MEGF11: variants seen among roughly 807,000 people sequenced by gnomAD.
MEGF11 encodes multiple EGF like domains 11.
Under a neutral mutation model 146.6 loss-of-function variants are expected in MEGF11, and 126 were observed. The observed-to-expected ratio is 0.86, with a 90% CI of 0.74 to 1.00. The LOEUF is 1.00. MEGF11 is among the 50% of genes least tolerant of loss of function. MEGF11 has a pLI of 0.00. For synonymous variants in MEGF11, 532 were observed against 583.4 expected, an observed-to-expected ratio of 0.91 and a Z score of 1.27; for missense variants, 1,509 against 1,521.2, an observed-to-expected ratio of 0.99 and a Z score of 0.13.
intron 7 of MEGF11, among the ~76,000 whole-genome samples, chr15:65,979,245 G>A (rs1322762547): frequency 6.6e-6 from 1 of 152,170 alleles, no homozygotes; most frequent in African/African-American, 2.4e-5. Flanking sequence ...GGAGGTCACA[G>A]ATGCAGCCTG....
chr15:66,231,649 TC>T (rs1422970273), intron 1 of MEGF11, among the ~76,000 whole-genome samples: 3 of 152,136 alleles, frequency 2.0e-5, no homozygotes, highest in Admixed American at 2.0e-4. Context: ...CTAATCCTCA[TC>T]CCTGGACCCT....
At chr15:66,227,188 G>A (rs553482586) in intron 1 of MEGF11, among the ~76,000 whole-genome samples, 2 of 152,180 alleles carry the variant, frequency 1.3e-5, no homozygotes, top group African/African-American at 2.4e-5. Context: ...TCTGCGGTTC[G>A]TGGAGGATGC....
intron 24 of MEGF11, among the ~76,000 whole-genome samples, chr15:65,904,682 G>C (rs2078576185): frequency 6.6e-6 from 1 of 152,210 alleles, no homozygotes; most frequent in Non-Finnish European, 1.5e-5. Flanking sequence ...ATCTGGGTCA[G>C]TCTAGACCAG....
In MEGF11 at chr15:65,964,931, G is replaced by GGGGCA; in HGVS notation, c.1084_1088dup (p.Cys364AlafsTer14). 3.2e-6 allele frequency: 5 copies of GGGGCA among 1,570,336 alleles called. No individual in the cohort carries two copies. On this transcript the variant is annotated frameshift_variant, in exon 9 of 26. Transcript: ENST00000395614. LOFTEE classifies it high-confidence loss of function. Reference sequence around the variant, plus strand: ...ACCTGATGGTGTTGTCAGCGTCACAGGGGCAGGGCAGGGTGCAGCCTGGGC... The same window carrying GGGGCA: ...ACCTGATGGTGTTGTCAGCGTCACAGGGGCAGGGCAGGGCAGGGTGCAGCCTGGGC...
At chr15:65,994,691 G>A (rs1367162025) in intron 5 of MEGF11, among the ~76,000 whole-genome samples, 2 of 152,194 alleles carry the variant, frequency 1.3e-5, no homozygotes, top group South Asian at 4.1e-4. Context: ...TGCCCTCTGG[G>A]CTGTTCATCC....
At chr15:66,095,189 G>C (rs4776725) in intron 4 of MEGF11, among the ~76,000 whole-genome samples, 146,886 of 152,344 alleles carry the variant, frequency 0.96, 71,044 homozygotes, top group East Asian at 1. Flanking sequence ...CAGGCAGTTT[G>C]CCTCAACCAC....
At chr15:66,078,361 AGCTCACACTTGCCGTAGCCG>A (rs1386169877) in intron 5 of MEGF11, among the ~76,000 whole-genome samples, 25 of 152,128 alleles carry the variant, frequency 1.6e-4, no homozygotes, top group African/African-American at 6.0e-4. Context: ...CTGAGTGGAG[AGCTCACACTTGCCGTAGCCG>A]AGTGACCTTG....
intron 1 of MEGF11, among the ~76,000 whole-genome samples, chr15:66,130,859 A>G (rs74021631): frequency 0.015 from 2,279 of 152,274 alleles, 67 homozygotes; most frequent in African/African-American, 0.052. Context: ...GGACTTTTCC[A>G]GGATCTCTCT....
intron 5 of MEGF11, among the ~76,000 whole-genome samples, chr15:66,021,886 A>G (rs909121295): frequency 6.6e-6 from 1 of 152,198 alleles, no homozygotes; most frequent in African/African-American, 2.4e-5. Context: ...GGTTTCTGGC[A>G]AGACAGCAAA....
At position 65,964,789 on chromosome 15, in the gene MEGF11, C is replaced by CCTTT; in HGVS notation, c.1112+115_1112+118dup. 4 of 982,854 alleles carry CCTTT rather than the reference C, an allele frequency of 4.1e-6. No individual in the cohort carries two copies. The South Asian group carries it at 6.7e-5, about 17-fold the overall frequency. The allele number at this position is 982,854 out of a possible 1,614,324, so 60.9% of individuals were successfully genotyped here. On this transcript the variant is annotated intron_variant, in intron 9 of 25. Transcript: ENST00000395614. ...CAGGGCTCAGTGCTGAGGTCCTAGC[C>CCTTT]CTTTCCCCCACCTGCCTGGATGTCC...
intron 5 of MEGF11, among the ~76,000 whole-genome samples, chr15:66,051,050 G>GC (rs2084427370): frequency 6.6e-6 from 1 of 152,214 alleles, no homozygotes; most frequent in Admixed American, 6.5e-5. Flanking sequence ...ACAGATATGA[G>GC]CCCCAAAGGA....
chr15:66,040,401 A>G (rs1367479129), intron 5 of MEGF11: 88 of 153,748 alleles, frequency 5.7e-4, no homozygotes, highest in East Asian at 1.9e-4. Context: ...GCACACTAAA[A>G]CAATTCCAGA....
intron 5 of MEGF11, among the ~76,000 whole-genome samples, chr15:66,013,300 C>G (rs964684029): frequency 1.3e-5 from 2 of 152,220 alleles, no homozygotes; most frequent in Non-Finnish European, 2.9e-5. Context: ...CTCACCCTCC[C>G]ACTCAGGCTC....
rs2090391213 is a variant in MEGF11 at position 66,176,468 on chromosome 15, A to C, written c.-8-48057T>G. Among the ~76,000 whole-genome samples, 4 of 152,308 alleles carry C rather than the reference A, an allele frequency of 2.6e-5. No homozygotes were observed. The South Asian group carries it at 8.3e-4, about 32-fold the overall frequency. ...CCAGGCATACCCTCTTTCATACAGT[A>C]GCCTTATGTAGCTATTTAGATCTAA... On this transcript the variant is annotated intron_variant, in intron 1 of 25. Transcript: ENST00000395614.
chr15:66,235,048 GA>G (rs2092059412), intron 1 of MEGF11, among the ~76,000 whole-genome samples: 2 of 152,300 alleles, frequency 1.3e-5, no homozygotes, highest in South Asian at 2.1e-4. Flanking sequence ...CAAAGCAGGA[GA>G]GGGGGCGCCA....
At chr15:66,110,309 G>A (rs1191722243) in intron 4 of MEGF11, among the ~76,000 whole-genome samples, 1 of 152,208 alleles carries the variant, frequency 6.6e-6, no homozygotes, top group Non-Finnish European at 1.5e-5. Flanking sequence ...TTGGTATCAG[G>A]GTTAAGCATC....
At chr15:66,158,835 T>A (rs2089853377) in intron 1 of MEGF11, among the ~76,000 whole-genome samples, 1 of 152,212 alleles carries the variant, frequency 6.6e-6, no homozygotes, top group Non-Finnish European at 1.5e-5. Context: ...TGAACCCACA[T>A]TTTAAAACAG....
chr15:65,919,493 G>T (rs1016205834), intron 15 of MEGF11, among the ~76,000 whole-genome samples: 2 of 152,052 alleles, frequency 1.3e-5, no homozygotes, highest in African/African-American at 4.8e-5. Flanking sequence ...ATAGCCTTAT[G>T]TCTAAAAAAC....
chr15:66,162,586 G>A (rs546763760), intron 1 of MEGF11, among the ~76,000 whole-genome samples: 1 of 152,136 alleles, frequency 6.6e-6, no homozygotes, highest in African/African-American at 2.4e-5. Flanking sequence ...GTAATCTGTG[G>A]TGATAGAAAA....
Sources: allele counts gnomAD v4.1 joint callset (sites outside exome capture counted in the v4.1 genomes callset), GRCh38; gene constraint gnomAD v4.1.1; transcripts MANE v1.5; gene names NCBI Gene and HGNC (gene_info 2026-07-23, HGNC 2026-07-21).